GRID2: variants seen among roughly 807,000 people sequenced by gnomAD.
The protein encoded by GRID2 is glutamate receptor ionotropic, delta-2.
In GRID2, 33 loss-of-function variants were observed where a neutral mutation model predicts 114.8. The observed-to-expected ratio is 0.29, with a 90% CI of 0.22 to 0.38. The LOEUF (loss-of-function observed/expected upper bound fraction) is 0.38. Among genes scored for constraint, GRID2 ranks in the 10% least tolerant of loss-of-function variants. The pLI, the probability that GRID2 is intolerant of heterozygous loss-of-function variation, is 1.00. For synonymous variants in GRID2, 505 were observed against 449.9 expected (o/e 1.12, Z -1.55); for missense variants, 1,184 against 1,257.7 (o/e 0.94, Z 0.89).
At chr4:93,094,824 A>T (rs2149333194) in intron 3 of GRID2, among the ~76,000 whole-genome samples, 1 of 152,154 alleles carries the variant, frequency 6.6e-6, no homozygotes. Flanking sequence ...ATTAGCCAAA[A>T]TTGAATTAAA....
At chr4:92,687,721 C>T (rs1733982144) in intron 2 of GRID2, among the ~76,000 whole-genome samples, 1 of 151,996 alleles carries the variant, frequency 6.6e-6, no homozygotes, top group Admixed American at 6.6e-5. Context: ...CGCAGCTACT[C>T]AGGAGGCTGA....
chr4:93,498,244 T>C (rs1453760462), intron 12 of GRID2, among the ~76,000 whole-genome samples: 2 of 151,864 alleles, frequency 1.3e-5, no homozygotes, highest in Admixed American at 1.3e-4. Flanking sequence ...AGGTTTCTGC[T>C]TCCAAGATGG....
intron 7 of GRID2, among the ~76,000 whole-genome samples, chr4:93,227,116 G>C (rs1266655724): frequency 1.3e-5 from 2 of 152,082 alleles, no homozygotes; most frequent in African/African-American, 2.4e-5. Context: ...AAAGACTTTT[G>C]AAATTCCTTT....
intron 8 of GRID2, among the ~76,000 whole-genome samples, chr4:93,299,655 C>G (rs1386087953): frequency 6.6e-6 from 1 of 151,750 alleles, no homozygotes; most frequent in Non-Finnish European, 1.5e-5. Context: ...ACATATGTAA[C>G]AAACCTGTAC....
In GRID2 at chr4:92,534,341, G is replaced by A. The variant is rs115329585; in HGVS notation, c.89-55790G>A. Among the ~76,000 whole-genome samples the A allele has an allele frequency of 5.2e-3, 788 of 152,188 alleles. 5 individuals are homozygous for A. The highest frequency in any genetic ancestry group is 0.018 in the African/African-American group (747 of 41,552). On this transcript the variant is annotated intron_variant, in intron 1 of 15. Transcript: ENST00000282020. The stretch of plus-strand genomic sequence containing the variant: ...CTGTTGTAGCACACTTCAAAGATTA[G>A]AATTATCCATTCATTTCATGAGTGT...
chr4:93,479,648 G>A (rs954717453), intron 11 of GRID2, among the ~76,000 whole-genome samples: 5 of 152,124 alleles, frequency 3.3e-5, no homozygotes, highest in Admixed American at 2.6e-4. Flanking sequence ...GGATCCTGAT[G>A]TCCAGGGGCA....
intron 2 of GRID2, among the ~76,000 whole-genome samples, chr4:92,808,868 T>C (rs896387133): frequency 2.0e-4 from 31 of 151,854 alleles, no homozygotes; most frequent in African/African-American, 7.5e-4. Flanking sequence ...AAACAAAATA[T>C]TTTGGGCCAA....
intron 1 of GRID2, among the ~76,000 whole-genome samples, chr4:92,580,517 C>G (rs1426189895): frequency 6.6e-6 from 1 of 151,832 alleles, no homozygotes; most frequent in Non-Finnish European, 1.5e-5. Context: ...TATTTTGGCC[C>G]ATTCAGATAG....
chr4:93,193,164 A>G (rs920754577), intron 4 of GRID2, among the ~76,000 whole-genome samples: 1 of 152,230 alleles, frequency 6.6e-6, no homozygotes, highest in Non-Finnish European at 1.5e-5. Context: ...AAAGCCAGTC[A>G]GCCAGCCTGC....
chr4:93,419,064 C>A (rs1399652270), intron 9 of GRID2, among the ~76,000 whole-genome samples: 3 of 129,782 alleles, frequency 2.3e-5, no homozygotes, highest in African/African-American at 3.0e-5. Flanking sequence ...TCCCCAAAAT[C>A]ATGATTTTCC....
At chr4:93,262,696 G>T (rs182193822) in intron 8 of GRID2, among the ~76,000 whole-genome samples, 20 of 151,626 alleles carry the variant, frequency 1.3e-4, no homozygotes, top group Non-Finnish European at 2.7e-4. Flanking sequence ...TTTTACATAC[G>T]TTTTATAACT....
At chr4:93,692,051 C>CA (rs1578583520) in intron 14 of GRID2, among the ~76,000 whole-genome samples, 2 of 151,526 alleles carry the variant, frequency 1.3e-5, no homozygotes, top group African/African-American at 2.4e-5. Context: ...TCAAAAAAGT[C>CA]AAAAAAAGTG....
chr4:93,476,131 T>C (rs1725298436), intron 11 of GRID2, among the ~76,000 whole-genome samples: 1 of 152,188 alleles, frequency 6.6e-6, no homozygotes, highest in Non-Finnish European at 1.5e-5. Context: ...CTATATTCCT[T>C]ATTCAAACCA....
intron 2 of GRID2, among the ~76,000 whole-genome samples, chr4:92,879,125 TAGAC>T (rs1294356042): frequency 6.6e-6 from 1 of 152,180 alleles, no homozygotes; most frequent in African/African-American, 2.4e-5. Context: ...CAAATGTATA[TAGAC>T]AAAGACTAGA....
intron 1 of GRID2, among the ~76,000 whole-genome samples, chr4:92,441,018 C>G (rs932409467): frequency 6.6e-6 from 1 of 151,728 alleles, no homozygotes; most frequent in Non-Finnish European, 1.5e-5. Context: ...ATTTTGAGGG[C>G]CTCTAAAAGT....
intron 3 of GRID2, among the ~76,000 whole-genome samples, chr4:93,091,805 A>G (rs1730816718): frequency 6.6e-6 from 1 of 152,144 alleles, no homozygotes; most frequent in Non-Finnish European, 1.5e-5. Flanking sequence ...TATCAATAAA[A>G]CAAGAAACTC....
At chr4:93,615,944 A>C (rs1312334573) in intron 13 of GRID2, among the ~76,000 whole-genome samples, 1 of 152,050 alleles carries the variant, frequency 6.6e-6, no homozygotes, top group Non-Finnish European at 1.5e-5. Flanking sequence ...CTGCATTGTC[A>C]CTCAATGTAT....
At chr4:92,919,221 A>T (rs946155298) in intron 2 of GRID2, among the ~76,000 whole-genome samples, 1 of 151,452 alleles carries the variant, frequency 6.6e-6, no homozygotes, top group Non-Finnish European at 1.5e-5. Flanking sequence ...TTTTTATTGC[A>T]TCTATTTGAT....
rs190389115 is a variant in GRID2, at chr4:92,483,124, G to T, written c.89-107007G>T. The stretch of plus-strand genomic sequence containing the variant: ...GGAGGCTGAGGTGGGCGGATCACAA[G>T]GTCAGGAGTTAGAAACCAGCCTGGC... On this transcript the variant is annotated intron_variant, in intron 1 of 15. Transcript: ENST00000282020. 4.8e-3 allele frequency among the ~76,000 whole-genome samples: 726 copies of T among 152,196 alleles called. 2 individuals carry two copies. Among genetic ancestry groups the T allele is most frequent in the Middle Eastern group, 0.01 (3 of 294 alleles).
Sources: gnomAD v4.1 joint callset for allele counts (sites outside exome capture counted in the v4.1 genomes callset) on GRCh38, gnomAD v4.1.1 for gene constraint, MANE v1.5 for transcripts, NCBI Gene and HGNC (gene_info 2026-07-23, HGNC 2026-07-21) for gene names.